Variants in EHBP1 observed in about 807,000 individuals in gnomAD.
EHBP1 encodes EH domain binding protein 1.
Under a neutral mutation model 144.0 loss-of-function variants are expected in EHBP1, and 55 were observed. The observed-to-expected ratio is 0.38, with a 90% CI of 0.31 to 0.48. The LOEUF (loss-of-function observed/expected upper bound fraction) is 0.48. Among genes scored for constraint, EHBP1 ranks in the 20% least tolerant of loss-of-function variants. The probability of loss-of-function intolerance (pLI) is 0.98; values close to 1 mark genes in which losing one functional copy is unlikely to be tolerated. For missense variants in EHBP1, 1,200 were observed against 1,364.2 expected (o/e 0.88, Z 1.90); for synonymous variants, 469 against 472.7 (o/e 0.99, Z 0.10).
intron 5 of EHBP1, among the ~76,000 whole-genome samples, chr2:62,787,436 A>G (rs958381013): frequency 1.8e-5 from 2 of 109,330 alleles, no homozygotes; most frequent in African/African-American, 7.2e-5. Flanking sequence ...GTGTTCTTTC[A>G]TAGAGGCGTG....
chr2:62,674,900 G>C (rs1558501363), intron 1 of EHBP1, among the ~76,000 whole-genome samples: 2 of 152,160 alleles, frequency 1.3e-5, no homozygotes. Flanking sequence ...CAAAGCACTG[G>C]GATGCCAGGT....
chr2:62,776,464 C>A (rs1156810536), intron 5 of EHBP1, among the ~76,000 whole-genome samples: 1 of 152,162 alleles, frequency 6.6e-6, no homozygotes, highest in Non-Finnish European at 1.5e-5. Context: ...ATGTTCCTTT[C>A]TAGAGGACAC....
intron 10 of EHBP1, among the ~76,000 whole-genome samples, chr2:62,912,322 C>T (rs1308951320): frequency 1.3e-5 from 2 of 151,998 alleles, no homozygotes; most frequent in Non-Finnish European, 2.9e-5. Context: ...AAGGCTGAGG[C>T]GGGCAGATCA....
At chr2:62,876,208 GAAAA>G (rs1051765976) in intron 10 of EHBP1, among the ~76,000 whole-genome samples, 10 of 152,028 alleles carry the variant, frequency 6.6e-5, no homozygotes, top group African/African-American at 2.4e-4. Flanking sequence ...CAAAGTGAAA[GAAAA>G]AATAGTAAAG....
intron 10 of EHBP1, among the ~76,000 whole-genome samples, chr2:62,917,982 C>T (rs1357926691): frequency 4.6e-5 from 7 of 151,894 alleles, no homozygotes; most frequent in South Asian, 2.1e-4. Flanking sequence ...CTGCAACCTC[C>T]GCCTCCAAGG....
chr2:62,813,402 G>A (rs907959309), intron 5 of EHBP1, among the ~76,000 whole-genome samples: 4 of 152,334 alleles, frequency 2.6e-5, no homozygotes, highest in South Asian at 2.1e-4. Flanking sequence ...TTGTTCCAGA[G>A]GTGAAGCCAC....
intron 7 of EHBP1, among the ~76,000 whole-genome samples, chr2:62,843,932 A>G (rs2048108335): frequency 6.6e-6 from 1 of 152,192 alleles, no homozygotes; most frequent in South Asian, 2.1e-4. Flanking sequence ...TGAAATTGTT[A>G]TTGACACAGT....
intron 10 of EHBP1, among the ~76,000 whole-genome samples, chr2:62,879,543 AATAACAC>A (rs2051192881): frequency 7.5e-6 from 1 of 133,572 alleles, no homozygotes; most frequent in Non-Finnish European, 1.6e-5. Context: ...TCCTATTCAC[AATAACAC>A]ACACACACAC....
chr2:62,729,800 T>C (rs1471365625), intron 2 of EHBP1, among the ~76,000 whole-genome samples: 1 of 151,658 alleles, frequency 6.6e-6, no homozygotes, highest in African/African-American at 2.4e-5. Context: ...TTTTACCAAT[T>C]TACCTTCCCA....
chr2:62,931,340 T>C (rs2055972352), intron 10 of EHBP1, among the ~76,000 whole-genome samples: 1 of 152,104 alleles, frequency 6.6e-6, no homozygotes, highest in African/African-American at 2.4e-5. Context: ...TCACACCCAT[T>C]AGGATGGCTA....
At position 63,029,104 on chromosome 2, in the gene EHBP1, T is replaced by C. The variant is rs1025566028; in HGVS notation, c.3104-8431T>C. Among the ~76,000 whole-genome samples, 10 of 152,250 alleles carry C rather than the reference T, an allele frequency of 6.6e-5. No individual in the cohort carries two copies. The South Asian group carries it at 2.1e-3, about 32-fold the overall frequency. On this transcript the variant is annotated intron_variant, in intron 19 of 22. Transcript: ENST00000431489. ...TTTGATATTAAGCAGTATTCCATTA[T>C]CTACTTTTTTTTTTAAGTCTCTAAA...
At chr2:62,895,068 A>G (rs780501866) in intron 10 of EHBP1, among the ~76,000 whole-genome samples, 3 of 152,174 alleles carry the variant, frequency 2.0e-5, no homozygotes, top group Non-Finnish European at 4.4e-5. Context: ...TACATTTGGT[A>G]TCATTCTACT....
At chr2:62,683,525 G>A (rs1391540078) in intron 1 of EHBP1, among the ~76,000 whole-genome samples, 1 of 152,014 alleles carries the variant, frequency 6.6e-6, no homozygotes, top group Non-Finnish European at 1.5e-5. Context: ...TGGGCATGGT[G>A]GCGGGCGCCT....
chr2:62,737,157 C>T (rs1173870064), intron 2 of EHBP1, among the ~76,000 whole-genome samples: 1 of 152,150 alleles, frequency 6.6e-6, no homozygotes, highest in Non-Finnish European at 1.5e-5. Flanking sequence ...TGACAAAACC[C>T]CAGCAGGCTA....
chr2:62,744,832 A>C lies in EHBP1; in HGVS notation c.105-2563A>C, dbSNP rs143757929. Among the ~76,000 whole-genome samples the C allele has an allele frequency of 4.7e-3, 712 of 152,178 alleles. 4 individuals carry two copies. Among genetic ancestry groups the C allele is most frequent in the Non-Finnish European group, 8.7e-3 (589 of 67,972 alleles). On this transcript the variant is annotated intron_variant, in intron 2 of 22. Transcript: ENST00000431489. The stretch of plus-strand genomic sequence containing the variant: ...ACTAGGAGGATGTTGTGTAGGGGAC[A>C]CACTCTCATTGCCATCACAGGTAAT...
At chr2:62,681,338 G>GTATATATATATATATATATATA (rs1376388270) in intron 1 of EHBP1, among the ~76,000 whole-genome samples, 34 of 16,910 alleles carry the variant, frequency 2.0e-3, no homozygotes, top group Non-Finnish European at 3.0e-3. Flanking sequence ...GTATGTGTGT[G>GTATATATATATATATATATATA]TGTATATATA....
intron 5 of EHBP1, among the ~76,000 whole-genome samples, chr2:62,775,490 A>C (rs2041994532): frequency 6.6e-6 from 1 of 152,180 alleles, no homozygotes; most frequent in Non-Finnish European, 1.5e-5. Flanking sequence ...ATGGAATTGT[A>C]ATACCTTTCT....
chr2:62,789,509 AG>A (rs2043033709), intron 5 of EHBP1, among the ~76,000 whole-genome samples: 1 of 152,204 alleles, frequency 6.6e-6, no homozygotes, highest in Admixed American at 6.5e-5. Context: ...AATGTTATAA[AG>A]GACGGTTAGT....
At chr2:62,946,832 G>A (rs1346630747) in intron 12 of EHBP1, among the ~76,000 whole-genome samples, 1 of 152,146 alleles carries the variant, frequency 6.6e-6, no homozygotes, top group Non-Finnish European at 1.5e-5. Context: ...AGTGTAATTA[G>A]TGTACATAAA....
Sources: gnomAD v4.1 joint callset for allele counts (sites outside exome capture counted in the v4.1 genomes callset) on GRCh38, gnomAD v4.1.1 for gene constraint, MANE v1.5 for transcripts, NCBI Gene and HGNC (gene_info 2026-07-23, HGNC 2026-07-21) for gene names.